The following KCNH5 variants were observed in gnomAD, a reference collection of about 807,000 sequenced individuals.
The protein encoded by KCNH5 is potassium voltage-gated channel subfamily H member 5.
A neutral mutation model predicts 96.1 loss-of-function variants in KCNH5; 46 were observed. The observed-to-expected ratio is 0.48, with a 90% CI of 0.38 to 0.61. The LOEUF is 0.61. Among genes scored for constraint, KCNH5 ranks in the 20% least tolerant of loss-of-function variants. The probability of loss-of-function intolerance (pLI) is 0.00; values close to 1 mark genes in which losing one functional copy is unlikely to be tolerated. For missense variants in KCNH5, 907 were observed against 1,225.8 expected, an observed-to-expected ratio of 0.74 and a Z score of 3.88; for synonymous variants, 439 against 449.8, an observed-to-expected ratio of 0.98 and a Z score of 0.30.
intron 8 of KCNH5, among the ~76,000 whole-genome samples, chr14:62,848,871 T>A (rs953274207): frequency 1.3e-5 from 2 of 152,192 alleles, no homozygotes; most frequent in Admixed American, 1.3e-4. Flanking sequence ...CAATGATGTT[T>A]ATAAAGTAAA....
chr14:62,894,948 A>G (rs1274255789), intron 7 of KCNH5, among the ~76,000 whole-genome samples: 10 of 152,250 alleles, frequency 6.6e-5, no homozygotes, highest in Non-Finnish European at 1.3e-4. Context: ...GAATCCTATA[A>G]TCTACTCTAA....
chr14:62,915,068 G>T lies in KCNH5; in HGVS notation c.1369+35065C>A, dbSNP rs563540521. 7.2e-5 allele frequency among the ~76,000 whole-genome samples: 11 copies of T among 152,352 alleles called. No individual in the cohort carries two copies. In the East Asian group the frequency reaches 9.6e-4, roughly 13 times the overall value. On this transcript the variant is annotated intron_variant, in intron 7 of 10. Coordinates refer to ENST00000322893, the MANE Select transcript of KCNH5 (RefSeq NM_139318.5). ...AATCAGACCAATGCACCACAGGTGTGAACCAGAGATCTCCCTGCTCCAGTT... is the reference window on the plus strand; with the variant it reads ...AATCAGACCAATGCACCACAGGTGTTAACCAGAGATCTCCCTGCTCCAGTT...
intron 8 of KCNH5, among the ~76,000 whole-genome samples, chr14:62,809,320 T>G (rs975175934): frequency 2.7e-4 from 41 of 152,104 alleles, no homozygotes; most frequent in Admixed American, 8.5e-4. Context: ...ACTGGAGAAA[T>G]TGGTTATTTT....
At chr14:62,818,135 GAT>G (rs983774824) in intron 8 of KCNH5, among the ~76,000 whole-genome samples, 2 of 146,498 alleles carry the variant, frequency 1.4e-5, no homozygotes, top group African/African-American at 5.0e-5. Flanking sequence ...GAAATGGGGA[GAT>G]GTTTGTCAAA....
rs547868399 is a variant in KCNH5, at chr14:62,911,097, A to G, written c.1369+39036T>C. Among the ~76,000 whole-genome samples the G allele has an allele frequency of 2.6e-5, 4 of 152,198 alleles. No homozygotes were observed. In the East Asian group the frequency reaches 7.7e-4, roughly 29 times the overall value. ...GCATTTAAACAATGATGTATCCCTA[A>G]CACCTAGAACAGTACTCTAAAATAG... On this transcript the variant is annotated intron_variant, in intron 7 of 10. Transcript: ENST00000322893.
At chr14:62,852,667 A>C (rs1019429892) in intron 7 of KCNH5, among the ~76,000 whole-genome samples, 4 of 151,382 alleles carry the variant, frequency 2.6e-5, no homozygotes, top group Admixed American at 2.6e-4. Flanking sequence ...ATAAAATTTT[A>C]TCACATATAT....
chr14:62,720,487 G>A (rs939134838), intron 10 of KCNH5, among the ~76,000 whole-genome samples: 1 of 152,182 alleles, frequency 6.6e-6, no homozygotes, highest in African/African-American at 2.4e-5. Flanking sequence ...GGAGGCTGAG[G>A]CAGGAGAATG....
chr14:62,806,665 C>T (rs145773177), intron 8 of KCNH5, among the ~76,000 whole-genome samples: 57 of 152,072 alleles, frequency 3.7e-4, no homozygotes, highest in African/African-American at 1.4e-3. Context: ...TAGAGTCTCT[C>T]CCAAGACAGA....
intron 8 of KCNH5, among the ~76,000 whole-genome samples, chr14:62,825,000 T>C (rs537393286): frequency 6.6e-6 from 1 of 152,248 alleles, no homozygotes; most frequent in Non-Finnish European, 1.5e-5. Flanking sequence ...TTTTCTTTAA[T>C]CCACCATTGA....
chr14:62,943,128 T>A (rs1302475579), intron 7 of KCNH5, among the ~76,000 whole-genome samples: 1 of 152,164 alleles, frequency 6.6e-6, no homozygotes, highest in East Asian at 1.9e-4. Flanking sequence ...TCAAAACATA[T>A]TTTTATTTTA....
chr14:62,796,260 C>A (rs1048022668), intron 9 of KCNH5, among the ~76,000 whole-genome samples: 9 of 152,160 alleles, frequency 5.9e-5, no homozygotes, highest in Admixed American at 2.6e-4. Flanking sequence ...GATTTGCCCA[C>A]CTCGGCCTCC....
At chr14:63,044,455 C>T (rs748523919) in intron 1 of KCNH5, among the ~76,000 whole-genome samples, 3 of 152,170 alleles carry the variant, frequency 2.0e-5, no homozygotes, top group South Asian at 2.1e-4. Context: ...TTCACTTCTA[C>T]GTTTCTCATG....
rs1054686075 is a variant in KCNH5 at position 62,860,670 on chromosome 14, A to T, written c.1370-10818T>A. Among the ~76,000 whole-genome samples the T allele has an allele frequency of 2.6e-5, 4 of 152,110 alleles. No individual in the cohort carries two copies. The South Asian group carries it at 8.3e-4, about 31-fold the overall frequency. Reference sequence around the variant, plus strand: ...TACCTCTTAGTGCCCATCTTTTCCCAACTTCTTACTTGCTACCATCACTCT... The same window carrying T: ...TACCTCTTAGTGCCCATCTTTTCCCTACTTCTTACTTGCTACCATCACTCT... On this transcript the variant is annotated intron_variant, in intron 7 of 10. Coordinates refer to ENST00000322893, the MANE Select transcript of KCNH5 (RefSeq NM_139318.5).
chr14:62,779,969 C>A, intron 9 of KCNH5, 45 bp from the exon 10 acceptor site: 1 of 1,462,944 alleles, frequency 6.8e-7, no homozygotes. Flanking sequence ...TAACACTGTT[C>A]TTATTTAATC....
intron 10 of KCNH5, among the ~76,000 whole-genome samples, chr14:62,753,182 T>A (rs554981379): frequency 6.6e-6 from 1 of 152,228 alleles, no homozygotes; most frequent in Admixed American, 6.5e-5. Flanking sequence ...CAAACAGAAA[T>A]TCTGGTGTTG....
At chr14:62,976,127 G>C (rs1890494077) in intron 6 of KCNH5, among the ~76,000 whole-genome samples, 3 of 151,254 alleles carry the variant, frequency 2.0e-5, no homozygotes, top group African/African-American at 7.3e-5. Context: ...TTGGCCAGGT[G>C]CAGTGGCTCA....
chr14:62,773,812 T>C lies in KCNH5; in HGVS notation c.2019+5916A>G, dbSNP rs866933624. Among the ~76,000 whole-genome samples the C allele has an allele frequency of 4.6e-5, 7 of 152,248 alleles. No homozygotes were observed. The South Asian group carries it at 8.3e-4, about 18-fold the overall frequency. Reference sequence around the variant, plus strand: ...AAATGAAATTCGCTTGACTGCCTTATGGACAAATATAACACTTATTTTTAA... The same window carrying C: ...AAATGAAATTCGCTTGACTGCCTTACGGACAAATATAACACTTATTTTTAA... On this transcript the variant is annotated intron_variant, in intron 10 of 10. Coordinates refer to ENST00000322893, the MANE Select transcript of KCNH5 (RefSeq NM_139318.5).
At chr14:62,957,560 C>T (rs1890128127) in intron 6 of KCNH5, among the ~76,000 whole-genome samples, 1 of 152,218 alleles carries the variant, frequency 6.6e-6, no homozygotes, top group Admixed American at 6.5e-5. Context: ...CCCATCAAGA[C>T]AGAGGGTCTG....
At chr14:62,898,473 C>T (rs1255591270) in intron 7 of KCNH5, among the ~76,000 whole-genome samples, 1 of 152,002 alleles carries the variant, frequency 6.6e-6, no homozygotes, top group Non-Finnish European at 1.5e-5. Context: ...TAAAGGAAAA[C>T]AGAAAGCACA....
Sources: allele counts gnomAD v4.1 joint callset (sites outside exome capture counted in the v4.1 genomes callset), GRCh38; gene constraint gnomAD v4.1.1; transcripts MANE v1.5; gene names NCBI Gene and HGNC (gene_info 2026-07-23, HGNC 2026-07-21).